The following USP50 variants were observed in gnomAD, a reference collection of about 807,000 sequenced individuals.
USP50 encodes the protein ubiquitin carboxyl-terminal hydrolase 50.
In USP50, 37 loss-of-function variants were observed where a neutral mutation model predicts 39.2. The ratio of observed to expected loss-of-function variants is 0.94; its 90% CI spans 0.73 to 1.24. The LOEUF (loss-of-function observed/expected upper bound fraction) is 1.24. Ranked by LOEUF, USP50 falls within the 50% of genes most tolerant of loss-of-function variation. USP50 has a pLI of 0.00. For missense variants in USP50, 374 were observed against 398.2 expected (o/e 0.94, Z 0.52); for synonymous variants, 139 against 144.5 (o/e 0.96, Z 0.27).
In USP50 at chr15:50,543,716, G is replaced by A; in HGVS notation, c.326C>T (p.Pro109Leu). The change falls in exon 3 of 7, where the codon CCA (proline) becomes CTA (leucine). Residue 109 changes from proline (P) to leucine (L), a missense_variant. Pro to Leu is a moderately conservative substitution (Grantham distance 98, BLOSUM62 -3). Transcript: ENST00000532404. The stretch of plus-strand genomic sequence containing the variant: ...GCCAAGAGCTGACCAGAATATTTCT[G>A]GTGAGACACAGTCTGAGTCTCCCAG... The part of the protein sequence containing the change: ...MWLGDSDCVS[P>L]EIFWSALGNL... The A allele has an allele frequency of 6.2e-7, 1 of 1,611,672 alleles. No homozygotes were observed. The highest frequency in any genetic ancestry group is 8.5e-7 in the Non-Finnish European group (1 of 1,178,800).
downstream of USP50, chr15:50,493,065 G>C: frequency 1.2e-6 from 1 of 835,526 alleles, no homozygotes; most frequent in Non-Finnish European, 2.0e-6. Context: ...CTTAGTTCTT[G>C]ACTGGGAAGG....
intron 3 of USP50, among the ~76,000 whole-genome samples, chr15:50,541,548 AT>A (rs202170763): frequency 1.3e-5 from 2 of 151,516 alleles, no homozygotes; most frequent in Admixed American, 6.6e-5. Flanking sequence ...AAAATGACTG[AT>A]TTTTTTTTCT....
chr15:50,521,924 A>G (rs1596012124), intron 6 of USP50, among the ~76,000 whole-genome samples: 1 of 152,238 alleles, frequency 6.6e-6, no homozygotes, highest in South Asian at 2.1e-4. Flanking sequence ...AGATCGTACC[A>G]CTGCACTCCA....
chr15:50,546,461 A>G lies in USP50; in HGVS notation c.53+12T>C. On this transcript the variant is annotated intron_variant, in intron 1 of 6. Transcript: ENST00000532404. ...GGGCTAATCTAGAAAGCTGTAGTAG[A>G]TCAAGGCTCACAGGACGTGGTAGAT... 1 of 1,613,424 alleles carries G rather than the reference A, an allele frequency of 6.2e-7. No homozygotes were observed. Among genetic ancestry groups the G allele is most frequent in the African/African-American group, 1.3e-5 (1 of 75,022 alleles).
Position 50,529,862 on chromosome 15 carries a change from C to G in USP50, c.871G>C (p.Asp291His). 6.2e-7 allele frequency: 1 copy of G among 1,613,892 alleles called. No individual in the cohort carries two copies. Among genetic ancestry groups the G allele is most frequent in the Non-Finnish European group, 8.5e-7 (1 of 1,179,874 alleles). Residue 291 changes from aspartate (D) to histidine (H), a missense_variant, in exon 6 of 7, where the codon GAC becomes CAC. Transcript: ENST00000532404. ...ATTGAGCAAATATAAGGAGTGAGGT[C>G]CAAGTTAGTGAGTGGGTAATGAATA... ...TDIHYPLTNL[D>H]LTPYICSIFR...
intron 6 of USP50, chr15:50,501,626 A>G (rs949653084): frequency 6.6e-6 from 1 of 151,908 alleles, no homozygotes; most frequent in Non-Finnish European, 1.5e-5. Context: ...CAACCCCTCA[A>G]TCCCCCATAG....
intron 6 of USP50, among the ~76,000 whole-genome samples, chr15:50,528,255 T>TAA (rs1471085332): frequency 6.8e-6 from 1 of 147,822 alleles, no homozygotes; most frequent in Non-Finnish European, 1.5e-5. Context: ...TATATAAACA[T>TAA]ATATTTCCAT....
intron 3 of USP50, among the ~76,000 whole-genome samples, chr15:50,542,045 T>TTA (rs2053033633): frequency 7.2e-6 from 1 of 138,484 alleles, no homozygotes; most frequent in Non-Finnish European, 1.6e-5. Context: ...CAAGGTTAAT[T>TTA]AAAAAAAAAA....
chr15:50,497,181 A>G (rs1461660855), downstream of USP50: 1 of 1,611,342 alleles, frequency 6.2e-7, no homozygotes, highest in Admixed American at 1.7e-5. Context: ...ATTCTCTAAA[A>G]AAGATAGAAA....
chr15:50,498,886 T>TATC (rs778262652), downstream of USP50: 7 of 1,566,932 alleles, frequency 4.5e-6, no homozygotes, highest in Admixed American at 2.0e-5. Context: ...TTTTTTTTTC[T>TATC]ATCTTGTTTG....
intron 6 of USP50, among the ~76,000 whole-genome samples, chr15:50,526,640 G>A (rs1377082012): frequency 6.6e-6 from 1 of 152,226 alleles, no homozygotes; most frequent in Non-Finnish European, 1.5e-5. Context: ...TCAGAGGACA[G>A]ATTTAGGACA....
intron 6 of USP50, chr15:50,506,794 C>CA (rs2052666208): frequency 6.6e-6 from 1 of 151,054 alleles, no homozygotes; most frequent in South Asian, 2.1e-4. Context: ...CTCATCTCTA[C>CA]AAAAATACAA....
Position 50,546,338 on chromosome 15 carries a change from C to T in USP50, c.53+135G>A. ...TGCCAAGATATTAGGTACAATCTTC[C>T]TTCCTTTCCGGGGACCTTCCATGGG... On this transcript the variant is annotated intron_variant, in intron 1 of 6. Coordinates refer to ENST00000532404, the MANE Select transcript of USP50 (RefSeq NM_203494.5). 4 of 847,124 alleles carry T rather than the reference C, an allele frequency of 4.7e-6. No homozygotes were observed. The South Asian group carries it at 6.1e-5, about 13-fold the overall frequency. The allele number at this position is 847,124 out of a possible 1,614,324, so 52.5% of individuals were successfully genotyped here.
chr15:50,497,329 A>G, downstream of USP50: 3 of 1,401,108 alleles, frequency 2.1e-6, no homozygotes, highest in South Asian at 1.5e-5. Context: ...CCATGGGCAC[A>G]TAACAAAGGG....
intron 3 of USP50, among the ~76,000 whole-genome samples, chr15:50,542,743 C>T (rs1168187470): frequency 6.6e-6 from 1 of 152,120 alleles, no homozygotes; most frequent in Non-Finnish European, 1.5e-5. Flanking sequence ...CCCACCTCAG[C>T]CTCCTAAAGT....
intron 6 of USP50, among the ~76,000 whole-genome samples, chr15:50,527,672 CT>C (rs2052909331): frequency 6.7e-6 from 1 of 150,306 alleles, no homozygotes; most frequent in African/African-American, 2.4e-5. Flanking sequence ...CCGAGTCTCA[CT>C]CGCTCAGGCT....
rs765643225 is a variant in USP50, at chr15:50,541,262, G to T, written c.447C>A (p.Tyr149Ter). 6.2e-7 allele frequency: 1 copy of T among 1,612,196 alleles called. No individual in the cohort carries two copies. The highest frequency in any genetic ancestry group is 1.3e-5 in the African/African-American group (1 of 74,944). The change falls in exon 4 of 7, where the codon TAC becomes TAA. Residue 149 changes from tyrosine (Y) to a stop codon, truncating the protein, a stop_gained and splice_region_variant. Transcript: ENST00000532404. LOFTEE classifies it high-confidence loss of function. ...LNELHEALKK[Y>*]HYSRRRSYEK... ...CATATGATCTTCTCCGGGAGTAGTGGTACTGAATCAAGGAGCAAATTTCAC... is the reference window on the plus strand; with the variant it reads ...CATATGATCTTCTCCGGGAGTAGTGTTACTGAATCAAGGAGCAAATTTCAC...
At chr15:50,515,677 A>G (rs1330419066) in intron 6 of USP50, among the ~76,000 whole-genome samples, 1 of 150,670 alleles carries the variant, frequency 6.6e-6, no homozygotes, top group Non-Finnish European at 1.5e-5. Flanking sequence ...TATATATTTA[A>G]ACACTTTTAG....
intron 6 of USP50, among the ~76,000 whole-genome samples, chr15:50,519,469 C>G (rs1273707980): frequency 6.6e-6 from 1 of 151,850 alleles, no homozygotes. Flanking sequence ...AATCCCAGCA[C>G]TTTGGGAGGC....
Sources: gnomAD v4.1 joint callset for allele counts (sites outside exome capture counted in the v4.1 genomes callset) on GRCh38, gnomAD v4.1.1 for gene constraint, MANE v1.5 for transcripts, NCBI Gene and HGNC (gene_info 2026-07-23, HGNC 2026-07-21) for gene names.